FNTB: variants seen among roughly 807,000 people sequenced by gnomAD.
FNTB encodes protein farnesyltransferase subunit beta.
FNTB carries 27 observed loss-of-function variants against 59.4 expected under a neutral mutation model. The ratio of observed to expected loss-of-function variants is 0.45; its 90% CI spans 0.34 to 0.63. The LOEUF (loss-of-function observed/expected upper bound fraction) is 0.63. FNTB is among the 20% of genes least tolerant of loss of function. The pLI, the probability that FNTB is intolerant of heterozygous loss-of-function variation, is 0.02. For synonymous variants in FNTB, 230 were observed against 220.7 expected, an observed-to-expected ratio of 1.04 and a Z score of -0.37; for missense variants, 449 against 559.6, an observed-to-expected ratio of 0.80 and a Z score of 1.99.
At chr14:64,992,846 A>AT (rs201127903) in intron 1 of FNTB, among the ~76,000 whole-genome samples, 97 of 150,386 alleles carry the variant, frequency 6.5e-4, no homozygotes, top group Non-Finnish European at 1.1e-3. Context: ...AATGATTTCT[A>AT]TTTTTTTTTA....
Position 64,991,088 on chromosome 14 carries a change from C to T in FNTB, c.144+3991C>T, listed in dbSNP as rs965297690. ...TACTGATAGTCTCAGAGGTAGCAGC[C>T]TTGCCAAAAACAGGTGTTTACAAAA... On this transcript the variant is annotated intron_variant, in intron 1 of 11. Transcript: ENST00000246166. This position sits in a 1 kb window ranked among gnomAD's most constrained non-coding sequence, Gnocchi z 4.4. Among the ~76,000 whole-genome samples, 1 of 152,090 alleles carries T rather than the reference C, an allele frequency of 6.6e-6. No homozygotes were observed. The highest frequency in any genetic ancestry group is 2.4e-5 in the African/African-American group (1 of 41,396).
rs563162195 is a variant in FNTB at position 65,004,141 on chromosome 14, A to G, written c.145-108A>G. 1,473 of 1,290,810 alleles carry G rather than the reference A, an allele frequency of 1.1e-3. 2 individuals are homozygous for G. The highest frequency in any genetic ancestry group is 1.3e-3 in the Non-Finnish European group (1,178 of 917,084). The allele number at this position is 1,290,810 out of a possible 1,614,324, so 80.0% of individuals were successfully genotyped here. ...TTACAGTACTGTGAAGTTCCAGACC[A>G]TACCAACCAACCCTCGCCAATAGGC... On this transcript the variant is annotated intron_variant, in intron 1 of 11. Coordinates refer to ENST00000246166, the MANE Select transcript of FNTB (RefSeq NM_002028.4).
At chr14:65,006,024 C>T in intron 2 of FNTB, 1 of 1,029,514 alleles carries the variant, frequency 9.7e-7, no homozygotes, top group South Asian at 1.6e-5. Context: ...GAAGTTCAGC[C>T]TTTCCTCCTT....
chr14:65,024,103 T>TA (rs557949276), intron 4 of FNTB, among the ~76,000 whole-genome samples: 13,708 of 129,616 alleles, frequency 0.11, 822 homozygotes, highest in Admixed American at 0.18. Context: ...CTCCATCTCC[T>TA]AAAAAAAAAA....
chr14:65,044,000 T>C (rs2062418939), intron 8 of FNTB, among the ~76,000 whole-genome samples: 1 of 152,198 alleles, frequency 6.6e-6, no homozygotes. Flanking sequence ...AAGGTCTCCT[T>C]ACAAACCAGC....
rs1169275119 is a variant in FNTB, at chr14:65,015,700, C to T, written c.358C>T (p.Gln120Ter). Reference sequence around the variant, plus strand: ...GGAACTGCTAGATGAACCCATCCCCCAGATAGTGGCTACAGAGTGAGTCTG... The same window carrying T: ...GGAACTGCTAGATGAACCCATCCCCTAGATAGTGGCTACAGAGTGAGTCTG... ...SLELLDEPIPQIVATDVCQFL... is the reference protein window; with the variant it reads ...SLELLDEPIP The change falls in exon 4 of 12, where the codon CAG becomes TAG. Residue 120 changes from glutamine (Q) to a stop codon, truncating the protein, a stop_gained. Coordinates refer to ENST00000246166, the MANE Select transcript of FNTB (RefSeq NM_002028.4). LOFTEE classifies it high-confidence loss of function. The T allele has an allele frequency of 6.2e-7, 1 of 1,614,058 alleles. No homozygotes were observed. The highest frequency in any genetic ancestry group is 1.3e-5 in the African/African-American group (1 of 74,924).
chr14:65,061,096 G>C, intron 11 of FNTB, 85 bp from the exon 12 acceptor site: 1 of 1,558,088 alleles, frequency 6.4e-7, no homozygotes, highest in South Asian at 1.2e-5. Flanking sequence ...TAAATTCTTA[G>C]AAGTGCCTTT....
intron 9 of FNTB, among the ~76,000 whole-genome samples, chr14:65,049,825 CAACT>C (rs1417558520): frequency 6.6e-6 from 1 of 152,048 alleles, no homozygotes; most frequent in East Asian, 1.9e-4. Context: ...CCATACCACA[CAACT>C]TACCTATTCA....
rs1888129942 is a variant in FNTB at position 64,990,012 on chromosome 14, A to G, written c.144+2915A>G. 6.6e-6 allele frequency among the ~76,000 whole-genome samples: 1 copy of G among 152,098 alleles called. No homozygotes were observed. Among genetic ancestry groups the G allele is most frequent in the Non-Finnish European group, 1.5e-5 (1 of 68,014 alleles). On this transcript the variant is annotated intron_variant, in intron 1 of 11. Coordinates refer to ENST00000246166, the MANE Select transcript of FNTB (RefSeq NM_002028.4). This position sits in a 1 kb window ranked among gnomAD's most constrained non-coding sequence, Gnocchi z 5.2. ...ACAACACATGTGATCTGAGACCTGA[A>G]GTCTCAGATGAGGGAGGAAGCCATC...
intron 11 of FNTB, among the ~76,000 whole-genome samples, chr14:65,055,605 C>T (rs1437939916): frequency 1.3e-5 from 2 of 152,048 alleles, no homozygotes. Flanking sequence ...CAACCTCCAC[C>T]TCCCAGGTTC....
At chr14:65,022,051 G>T (rs755134553) in intron 4 of FNTB, 1 of 456,058 alleles carries the variant, frequency 2.2e-6, no homozygotes, top group South Asian at 1.5e-5. Context: ...TCTGTGAGCA[G>T]CAGAGGCCAC....
At position 65,053,244 on chromosome 14, in the gene FNTB, C is replaced by G. The variant is rs752728103; in HGVS notation, c.962C>G (p.Pro321Arg). The change falls in exon 10 of 12, where the codon CCT (proline) becomes CGT (arginine). Residue 321 changes from proline (P) to arginine (R), a missense_variant. Pro to Arg is a moderately radical substitution (Grantham distance 103). Around this residue, in one of 2 missense-constraint regions of FNTB, gnomAD observed 337 missense variants for 479.1 expected, o/e 0.70. Transcript: ENST00000246166. ...LHRALHAQGD[P>R]ALSMSHWMFH... ...ACCCTTTGCCCTTCAACAGGTGACC[C>G]TGCCCTTAGCATGAGCCACTGGATG... The G allele has an allele frequency of 2.9e-6, 4 of 1,401,842 alleles. No homozygotes were observed. The highest frequency in any genetic ancestry group is 2.7e-5 in the East Asian group (1 of 36,700). 86.8% of individuals were successfully genotyped at this position (1,401,842 alleles called of 1,614,324 possible).
At position 65,053,346 on chromosome 14, in the gene FNTB, G is replaced by T; in HGVS notation, c.1064G>T (p.Gly355Val). The change falls in exon 10 of 12, where the codon GGC becomes GTC. Residue 355 changes from glycine to valine, a missense_variant. Physicochemically the swap from Gly to Val is moderately radical, Grantham distance 109 (BLOSUM62 -3). Coordinates refer to ENST00000246166, the MANE Select transcript of FNTB (RefSeq NM_002028.4). ...GCGGGGGGGCTTCTGGATAAACCTGGCAAGTGAGTGTTTTCTCTCTGGGGA... is the reference window on the plus strand; with the variant it reads ...GCGGGGGGGCTTCTGGATAAACCTGTCAAGTGAGTGTTTTCTCTCTGGGGA... Reference protein sequence around the residue: ...CPAGGLLDKPGKSRDFYHTCY... With the variant: ...CPAGGLLDKPVKSRDFYHTCY... The T allele has an allele frequency of 7.0e-7, 1 of 1,427,508 alleles. No individual in the cohort carries two copies. Among genetic ancestry groups the T allele is most frequent in the African/African-American group, 1.5e-5 (1 of 68,288 alleles). 88.4% of individuals were successfully genotyped at this position (1,427,508 alleles called of 1,614,324 possible).
At chr14:64,987,279 C>G in intron 1 of FNTB, 182 bp downstream of exon 1, 2 of 680,614 alleles carry the variant, frequency 2.9e-6, no homozygotes, top group East Asian at 5.5e-5. Context: ...AGCGTTTGCG[C>G]GGCCAGCTTG....
At position 64,994,469 on chromosome 14, in the gene FNTB, C is replaced by T. The variant is rs1450051207; in HGVS notation, c.144+7372C>T. Among the ~76,000 whole-genome samples, 1 of 152,168 alleles carries T rather than the reference C, an allele frequency of 6.6e-6. No individual in the cohort carries two copies. Among genetic ancestry groups the T allele is most frequent in the Non-Finnish European group, 1.5e-5 (1 of 68,036 alleles). ...ACACAAATGTAGATGGCATAGCCTA[C>T]TACACACCTAGGCTATATGGTATAG... On this transcript the variant is annotated intron_variant, in intron 1 of 11. Coordinates refer to ENST00000246166, the MANE Select transcript of FNTB (RefSeq NM_002028.4). The surrounding 1 kb of genome is among the most constrained non-coding windows in gnomAD (Gnocchi z 4.2).
chr14:64,998,046 G>A (rs1888467575), intron 1 of FNTB, among the ~76,000 whole-genome samples: 1 of 152,178 alleles, frequency 6.6e-6, no homozygotes, highest in African/African-American at 2.4e-5. Context: ...CATTCAAAAT[G>A]TTAGGTTATT....
Position 65,040,789 on chromosome 14 carries a change from G to A in FNTB, c.693-1G>A. On this transcript the variant is annotated splice_acceptor_variant, in intron 7 of 11. Transcript: ENST00000246166. LOFTEE classifies it high-confidence loss of function. ...TTCTGCTTTTCTCAATCTCTTCTTA[G>A]GTGTCAGAACTGGGAAGGTGGCATT... 6.2e-7 allele frequency: 1 copy of A among 1,612,618 alleles called. No homozygotes were observed. Among genetic ancestry groups the A allele is most frequent in the Non-Finnish European group, 8.5e-7 (1 of 1,179,778 alleles).
In FNTB at chr14:65,015,691, C is replaced by T. The variant is rs375671855; in HGVS notation, c.349C>T (p.Pro117Ser). The change falls in exon 4 of 12, where the codon CCC becomes TCC. Residue 117 changes from proline (P) to serine (S), a missense_variant. Around this residue, in one of 2 missense-constraint regions of FNTB, gnomAD observed 337 missense variants for 479.1 expected, o/e 0.70. Transcript: ENST00000246166. ...ILHSLELLDE[P>S]IPQIVATDVC... Reference sequence around the variant, plus strand: ...GCACAGCTTGGAACTGCTAGATGAACCCATCCCCCAGATAGTGGCTACAGA... The same window carrying T: ...GCACAGCTTGGAACTGCTAGATGAATCCATCCCCCAGATAGTGGCTACAGA... 95 of 1,614,046 alleles carry T rather than the reference C, an allele frequency of 5.9e-5. No individual in the cohort carries two copies. The highest frequency in any genetic ancestry group is 7.5e-5 in the Non-Finnish European group (88 of 1,180,028).
intron 1 of FNTB, among the ~76,000 whole-genome samples, chr14:65,000,762 G>A (rs1888563450): frequency 7.1e-6 from 1 of 139,908 alleles, no homozygotes; most frequent in African/African-American, 2.7e-5. Flanking sequence ...GGAGGTTGCA[G>A]TGAGCTGAGA....
Sources: allele counts gnomAD v4.1 joint callset (sites outside exome capture counted in the v4.1 genomes callset), GRCh38; gene constraint gnomAD v4.1.1; regional missense constraint gnomAD v4.1.1; non-coding constraint Gnocchi (gnomAD v3.1); transcripts MANE v1.5; gene names NCBI Gene and HGNC (gene_info 2026-07-23, HGNC 2026-07-21).